Variants in RFTN1 observed in about 807,000 individuals in gnomAD.
RFTN1 encodes raftlin, lipid raft linker 1.
RFTN1 carries 26 observed loss-of-function variants against 46.5 expected under a neutral mutation model. The ratio of observed to expected loss-of-function variants is 0.56; its 90% CI spans 0.41 to 0.78. The LOEUF (loss-of-function observed/expected upper bound fraction) is 0.78. Ranked by LOEUF, RFTN1 falls within the 30% of genes least tolerant of loss-of-function variation. RFTN1 has a pLI of 0.00. For missense variants in RFTN1, 693 were observed against 718.7 expected (o/e 0.96, Z 0.41); for synonymous variants, 261 against 284.2 (o/e 0.92, Z 0.82).
At chr3:16,511,892 T>C (rs544682450) in intron 1 of RFTN1, among the ~76,000 whole-genome samples, 1 of 152,190 alleles carries the variant, frequency 6.6e-6, no homozygotes, top group East Asian at 1.9e-4. Flanking sequence ...CCCATGTCCA[T>C]ACAGCCAAAA....
At chr3:16,363,610 C>T (rs775858267) in intron 6 of RFTN1, among the ~76,000 whole-genome samples, 1 of 152,294 alleles carries the variant, frequency 6.6e-6, no homozygotes, top group Admixed American at 6.5e-5. Context: ...CCTTCAGGCT[C>T]AGCCCCAGGG....
In RFTN1 at chr3:16,442,079, T is replaced by G. The variant is rs1412395994; in HGVS notation, c.146-8042A>C. On this transcript the variant is annotated intron_variant, in intron 2 of 9. Coordinates refer to ENST00000334133, the MANE Select transcript of RFTN1 (RefSeq NM_015150.2). The surrounding 1 kb of genome is among the most constrained non-coding windows in gnomAD (Gnocchi z 4.1). Reference sequence around the variant, plus strand: ...TGTTTGTTCTAAGGGCTTTAAAAATTTAGACTTCTGTCATCTTCTCATTAA... The same window carrying G: ...TGTTTGTTCTAAGGGCTTTAAAAATGTAGACTTCTGTCATCTTCTCATTAA... 6.6e-6 allele frequency among the ~76,000 whole-genome samples: 1 copy of G among 152,144 alleles called. No homozygotes were observed. The highest frequency in any genetic ancestry group is 1.5e-5 in the Non-Finnish European group (1 of 68,028).
intron 6 of RFTN1, among the ~76,000 whole-genome samples, chr3:16,359,252 C>T (rs2072676117): frequency 6.6e-6 from 1 of 152,080 alleles, no homozygotes. Flanking sequence ...GGCTAGGTCT[C>T]TCATCTATGG....
Position 16,384,263 on chromosome 3 carries a change from T to G in RFTN1, c.442-6161A>C, listed in dbSNP as rs1274284795. Among the ~76,000 whole-genome samples, 1 of 152,226 alleles carries G rather than the reference T, an allele frequency of 6.6e-6. No individual in the cohort carries two copies. Among genetic ancestry groups the G allele is most frequent in the African/African-American group, 2.4e-5 (1 of 41,468 alleles). ...AGACTTGTTGGCCCCCACTATCACA[T>G]GAGCCAGTTCCTTAAAATAATCAAT... is the stretch of plus-strand genomic sequence containing the variant. On this transcript the variant is annotated intron_variant, in intron 4 of 9. Coordinates refer to ENST00000334133, the MANE Select transcript of RFTN1 (RefSeq NM_015150.2). This position sits in a 1 kb window ranked among gnomAD's most constrained non-coding sequence, Gnocchi z 4.7.
chr3:16,488,938 C>T (rs1004112497), intron 2 of RFTN1, among the ~76,000 whole-genome samples: 2 of 152,136 alleles, frequency 1.3e-5, no homozygotes, highest in African/African-American at 4.8e-5. Context: ...TGTTTATCAA[C>T]CAGTGAATGG....
chr3:16,403,750 A>T (rs187629133), intron 4 of RFTN1, among the ~76,000 whole-genome samples: 2 of 32,090 alleles, frequency 6.2e-5, no homozygotes, highest in East Asian at 1.9e-3. Context: ...ATTATATATT[A>T]TATATAAAAT....
At position 16,377,821 on chromosome 3, in the gene RFTN1, G is replaced by A. The variant is rs780253575; in HGVS notation, c.723C>T (p.Ser241=). The A allele has an allele frequency of 1.8e-5, 29 of 1,614,068 alleles. No individual in the cohort carries two copies. The highest frequency in any genetic ancestry group is 1.5e-4 in the Admixed American group (9 of 60,014). Residue 241 remains serine, a synonymous_variant, in exon 5 of 10, where the codon TCC becomes TCT. Transcript: ENST00000334133. ...VPLAKQPSSP[S]GEGDGGELSP... is the part of the protein sequence containing the mutation. ...AAAGTTCTCCACCATCTCCCTCTCC[G>A]GAGGGTGAGCTGGGCTGCTTGGCGA... is the stretch of plus-strand genomic sequence containing the variant.
At chr3:16,372,102 G>T (rs928730508) in intron 5 of RFTN1, among the ~76,000 whole-genome samples, 1 of 152,140 alleles carries the variant, frequency 6.6e-6, no homozygotes, top group Non-Finnish European at 1.5e-5. Flanking sequence ...GGATTCCTTC[G>T]AAAGCAGACC....
rs2076524122 is a variant in RFTN1 at position 16,490,547 on chromosome 3, A to T, written c.145+3178T>A. On this transcript the variant is annotated intron_variant, in intron 2 of 9. Coordinates refer to ENST00000334133, the MANE Select transcript of RFTN1 (RefSeq NM_015150.2). Reference sequence around the variant, plus strand: ...ATCCATCCAGGGGAACCCCCTAAAGAGTTGTGCAGAATCAGATGTGTGTTT... The same window carrying T: ...ATCCATCCAGGGGAACCCCCTAAAGTGTTGTGCAGAATCAGATGTGTGTTT... Among the ~76,000 whole-genome samples, 2 of 152,226 alleles carry T rather than the reference A, an allele frequency of 1.3e-5. 1 individual carries two copies. Among genetic ancestry groups the T allele is most frequent in the South Asian group, 4.1e-4 (2 of 4,824 alleles).
At chr3:16,363,714 T>TA (rs1189682730) in intron 6 of RFTN1, among the ~76,000 whole-genome samples, 5 of 152,334 alleles carry the variant, frequency 3.3e-5, no homozygotes, top group African/African-American at 1.2e-4. Context: ...GACAAAGTGT[T>TA]ACTGTTCTCC....
At chr3:16,464,579 T>G (rs532832197) in intron 2 of RFTN1, among the ~76,000 whole-genome samples, 90 of 152,350 alleles carry the variant, frequency 5.9e-4, no homozygotes, top group African/African-American at 2.0e-3. Flanking sequence ...AAACTAATAA[T>G]AAGAAGAAGG....
At chr3:16,462,621 G>T (rs184639046) in intron 2 of RFTN1, among the ~76,000 whole-genome samples, 9 of 152,364 alleles carry the variant, frequency 5.9e-5, no homozygotes, top group African/African-American at 2.2e-4. Flanking sequence ...GCCAGATGCT[G>T]GAAGAAGCAA....
At position 16,383,588 on chromosome 3, in the gene RFTN1, T is replaced by A. The variant is rs1314191248; in HGVS notation, c.442-5486A>T. On this transcript the variant is annotated intron_variant, in intron 4 of 9. Coordinates refer to ENST00000334133, the MANE Select transcript of RFTN1 (RefSeq NM_015150.2). The surrounding 1 kb of genome is among the most constrained non-coding windows in gnomAD (Gnocchi z 4.0). ...TATGACATTAGATTTCTAGGATGGA[T>A]TGTCTGTTTCTATGTCCAAAATGAA... 6.6e-6 allele frequency among the ~76,000 whole-genome samples: 1 copy of A among 152,234 alleles called. No individual in the cohort carries two copies. The highest frequency in any genetic ancestry group is 1.5e-5 in the Non-Finnish European group (1 of 68,038).
At chr3:16,419,133 C>T (rs1309935535) in intron 3 of RFTN1, among the ~76,000 whole-genome samples, 2 of 152,172 alleles carry the variant, frequency 1.3e-5, no homozygotes, top group Non-Finnish European at 2.9e-5. Context: ...ATAAATAGGT[C>T]AGTTAGGCAA....
chr3:16,506,270 G>A lies in RFTN1; in HGVS notation c.-9+7172C>T, dbSNP rs550439826. Among the ~76,000 whole-genome samples, 1 of 152,272 alleles carries A rather than the reference G, an allele frequency of 6.6e-6. No homozygotes were observed. The highest frequency in any genetic ancestry group is 2.4e-5 in the African/African-American group (1 of 41,554). On this transcript the variant is annotated intron_variant, in intron 1 of 9. Transcript: ENST00000334133. The surrounding 1 kb of genome is among the most constrained non-coding windows in gnomAD (Gnocchi z 4.8). ...GGCAGTGGCAGGTGCAAACAAGCTGGGGTGTGGGGCCCCTGGGAGGCTGAG... is the reference window on the plus strand; with the variant it reads ...GGCAGTGGCAGGTGCAAACAAGCTGAGGTGTGGGGCCCCTGGGAGGCTGAG...
intron 4 of RFTN1, among the ~76,000 whole-genome samples, chr3:16,406,274 T>A (rs1373583982): frequency 6.6e-6 from 1 of 152,160 alleles, no homozygotes; most frequent in Non-Finnish European, 1.5e-5. Context: ...GTCCCATTAT[T>A]TTGTCCCACT....
rs931813491 is a variant in RFTN1 at position 16,513,265 on chromosome 3, C to G, written c.-9+177G>C. The G allele has an allele frequency of 6.6e-6, 1 of 152,576 alleles. No individual in the cohort carries two copies. The highest frequency in any genetic ancestry group is 1.5e-5 in the Non-Finnish European group (1 of 68,210). The allele number at this position is 152,576 out of a possible 1,614,324, so 9.5% of individuals were successfully genotyped here. Reference sequence around the variant, plus strand: ...CCCAAGGATCAGCCCAGGTCCCCATCCGACGCGGGCCAGGGGGTGCTGCTC... The same window carrying G: ...CCCAAGGATCAGCCCAGGTCCCCATGCGACGCGGGCCAGGGGGTGCTGCTC... On this transcript the variant is annotated intron_variant, in intron 1 of 9. Transcript: ENST00000334133. The surrounding 1 kb of genome is among the most constrained non-coding windows in gnomAD (Gnocchi z 5.4).
intron 1 of RFTN1, among the ~76,000 whole-genome samples, chr3:16,501,602 C>T (rs1457123481): frequency 6.6e-6 from 1 of 152,236 alleles, no homozygotes; most frequent in Non-Finnish European, 1.5e-5. Flanking sequence ...CAATTATATG[C>T]AATGATGCTG....
rs2079957698 is a variant in RFTN1 at position 16,345,820 on chromosome 3, G to GCA, written c.1146+12111_1146+12112insTG. ...TGTGTGTGTGTGTGTGTGTGTGTGC[G>GCA]CGCGCGCGTGCGCGCACGCGCACAT... is the stretch of plus-strand genomic sequence containing the variant. On this transcript the variant is annotated intron_variant, in intron 7 of 9. Coordinates refer to ENST00000334133, the MANE Select transcript of RFTN1 (RefSeq NM_015150.2). The surrounding 1 kb of genome is among the most constrained non-coding windows in gnomAD (Gnocchi z 5.2). Among the ~76,000 whole-genome samples, 2 of 56,884 alleles carry GCA rather than the reference G, an allele frequency of 3.5e-5. No homozygotes were observed. Among genetic ancestry groups the GCA allele is most frequent in the African/African-American group, 1.8e-4 (2 of 11,010 alleles). 37.3% of individuals were successfully genotyped at this position (56,884 alleles called of 152,430 possible).
Sources: allele counts gnomAD v4.1 joint callset (sites outside exome capture counted in the v4.1 genomes callset), GRCh38; gene constraint gnomAD v4.1.1; non-coding constraint Gnocchi (gnomAD v3.1); transcripts MANE v1.5; gene names NCBI Gene and HGNC (gene_info 2026-07-23, HGNC 2026-07-21).